The following EIPR1 variants were observed in gnomAD, a reference collection of about 807,000 sequenced individuals.
EIPR1 encodes EARP and GARP complex-interacting protein 1.
EIPR1 carries 25 observed loss-of-function variants against 48.1 expected under a neutral mutation model. The ratio of observed to expected loss-of-function variants is 0.52; its 90% CI spans 0.38 to 0.73. The LOEUF (loss-of-function observed/expected upper bound fraction) is 0.73. Among genes scored for constraint, EIPR1 ranks in the 30% least tolerant of loss-of-function variants. EIPR1 has a pLI of 0.00. For synonymous variants in EIPR1, 204 were observed against 201.9 expected, an observed-to-expected ratio of 1.01 and a Z score of -0.09; for missense variants, 415 against 506.2, an observed-to-expected ratio of 0.82 and a Z score of 1.73.
chr2:3,231,384 TAAAAGTGGCAA>T (rs752709634), intron 4 of EIPR1, among the ~76,000 whole-genome samples: 11 of 152,222 alleles, frequency 7.2e-5, no homozygotes, highest in Non-Finnish European at 1.6e-4. Context: ...TTATGATGGA[TAAAAGTGGCAA>T]GAGTGGGCAT....
At chr2:3,362,267 CA>C (rs905876541) in intron 1 of EIPR1, among the ~76,000 whole-genome samples, 5 of 151,976 alleles carry the variant, frequency 3.3e-5, no homozygotes, top group African/African-American at 1.2e-4. Flanking sequence ...CATTCATACA[CA>C]GGGGGATGTG....
chr2:3,274,083 G>A (rs1173483537), intron 3 of EIPR1, among the ~76,000 whole-genome samples: 1 of 152,144 alleles, frequency 6.6e-6, no homozygotes, highest in East Asian at 1.9e-4. Context: ...TAATCATTTG[G>A]AATAAAGATG....
At chr2:3,267,696 C>T (rs1667532913) in intron 3 of EIPR1, among the ~76,000 whole-genome samples, 1 of 152,262 alleles carries the variant, frequency 6.6e-6, no homozygotes, top group Non-Finnish European at 1.5e-5. Context: ...CATCAAGACT[C>T]AGGCCTGGGG....
chr2:3,336,841 A>G lies in EIPR1; in HGVS notation c.259+1176T>C, dbSNP rs199567471. The stretch of plus-strand genomic sequence containing the variant: ...GAAAAGAAAAGGGAAGGGAAGGGAA[A>G]GGAAGGGAAAAGGGAAGGGAAGGGA... On this transcript the variant is annotated intron_variant, in intron 3 of 8. Coordinates refer to ENST00000382125, the MANE Select transcript of EIPR1 (RefSeq NM_003310.5). 4.8e-5 allele frequency among the ~76,000 whole-genome samples: 5 copies of G among 104,884 alleles called. No homozygotes were observed. The South Asian group carries it at 1.4e-3, about 29-fold the overall frequency. The allele number at this position is 104,884 out of a possible 152,430, so 68.8% of individuals were successfully genotyped here. A position where few individuals can be genotyped will look rare whatever the true frequency, so the allele number is the denominator to read the frequency against.
At chr2:3,270,241 CG>C (rs1667664243) in intron 3 of EIPR1, among the ~76,000 whole-genome samples, 1 of 152,248 alleles carries the variant, frequency 6.6e-6, no homozygotes, top group South Asian at 2.1e-4. Context: ...TGTGCCCACA[CG>C]GGTGCTCGCT....
At chr2:3,369,985 C>G (rs1006691251) in intron 1 of EIPR1, among the ~76,000 whole-genome samples, 7 of 152,156 alleles carry the variant, frequency 4.6e-5, no homozygotes, top group African/African-American at 1.2e-4. Flanking sequence ...GGGAGGCACC[C>G]CCCCCGTAGG....
intron 3 of EIPR1, among the ~76,000 whole-genome samples, chr2:3,272,953 G>A (rs990241391): frequency 2.6e-5 from 4 of 152,172 alleles, no homozygotes; most frequent in African/African-American, 7.2e-5. Context: ...CACCAATGGC[G>A]ACATCACCCA....
chr2:3,228,873 A>C (rs1666151758), intron 4 of EIPR1, among the ~76,000 whole-genome samples: 1 of 152,170 alleles, frequency 6.6e-6, no homozygotes, highest in Non-Finnish European at 1.5e-5. Context: ...CCATGATTGT[A>C]AGTTTCCTGA....
rs554856481 is a variant in EIPR1 at position 3,365,494 on chromosome 2, T to A, written c.43-10861A>T. On this transcript the variant is annotated intron_variant, in intron 1 of 8. Transcript: ENST00000382125. ...CTCAGAAAAAGCTTTTTTTTTTTTTTAATTTATTTTTATTGATCATTCTTG... is the reference window on the plus strand; with the variant it reads ...CTCAGAAAAAGCTTTTTTTTTTTTTAAATTTATTTTTATTGATCATTCTTG... Among the ~76,000 whole-genome samples, 157 of 141,420 alleles carry A rather than the reference T, an allele frequency of 1.1e-3. 5 individuals are homozygous for A. The South Asian group carries it at 0.031, about 28-fold the overall frequency. 92.8% of individuals were successfully genotyped at this position (141,420 alleles called of 152,430 possible).
intron 3 of EIPR1, among the ~76,000 whole-genome samples, chr2:3,325,175 C>T (rs1669656793): frequency 6.6e-6 from 1 of 152,220 alleles, no homozygotes; most frequent in Non-Finnish European, 1.5e-5. Flanking sequence ...TCTGGGCTCC[C>T]TGCAAGGGCC....
intron 4 of EIPR1, among the ~76,000 whole-genome samples, chr2:3,220,812 C>T (rs911959691): frequency 3.3e-5 from 5 of 149,778 alleles, no homozygotes; most frequent in South Asian, 4.3e-4. Flanking sequence ...ACACAATGGC[C>T]GAGGTGCACA....
intron 2 of EIPR1, among the ~76,000 whole-genome samples, chr2:3,351,006 T>TTTTTTC (rs1670559569): frequency 6.7e-6 from 1 of 148,580 alleles, no homozygotes; most frequent in Non-Finnish European, 1.5e-5. Flanking sequence ...TTTGGGCGAT[T>TTTTTTC]TTTTTTTTTT....
intron 1 of EIPR1, among the ~76,000 whole-genome samples, chr2:3,365,448 G>A (rs778404957): frequency 2.0e-5 from 3 of 151,898 alleles, no homozygotes; most frequent in Non-Finnish European, 4.4e-5. Flanking sequence ...CTACAGCCTG[G>A]TCAACAGAGC....
At chr2:3,282,795 G>A (rs1668054915) in intron 3 of EIPR1, 1 of 152,242 alleles carries the variant, frequency 6.6e-6, no homozygotes, top group Non-Finnish European at 1.5e-5. Context: ...CCAGGAACAA[G>A]GAGCAGGTCC....
chr2:3,269,396 GTCATCGCACTCAA>G (rs1558263357), intron 3 of EIPR1, among the ~76,000 whole-genome samples: 2 of 32,346 alleles, frequency 6.2e-5, no homozygotes, highest in African/African-American at 2.8e-4. Context: ...ATCGCACTCA[GTCATCGCACTCAA>G]TCATCGCACT....
intron 3 of EIPR1, among the ~76,000 whole-genome samples, chr2:3,336,977 G>GGGAAGGGAAAGGAAGAA (rs1256613746): frequency 1.0e-5 from 1 of 99,868 alleles, no homozygotes; most frequent in Non-Finnish European, 2.2e-5. Context: ...GAAGGGAAAA[G>GGGAAGGGAAAGGAAGAA]GGAAGGGAAA....
In EIPR1 at chr2:3,220,521, G is replaced by GCA. The variant is rs576182386; in HGVS notation, c.417-6275_417-6274dup. On this transcript the variant is annotated intron_variant, in intron 4 of 8. Coordinates refer to ENST00000382125, the MANE Select transcript of EIPR1 (RefSeq NM_003310.5). Reference sequence around the variant, plus strand: ...TTCTAGAGCATTTATAGAGTCAGGTGCACACACACACAATGACCATGGTAC... The same window carrying GCA: ...TTCTAGAGCATTTATAGAGTCAGGTGCACACACACACACAATGACCATGGTAC... Among the ~76,000 whole-genome samples the GCA allele has an allele frequency of 7.8e-4, 119 of 151,848 alleles. 1 individual carries two copies. The highest frequency in any genetic ancestry group is 2.7e-3 in the African/African-American group (112 of 41,356).
At chr2:3,235,415 C>T (rs1298415016) in intron 4 of EIPR1, among the ~76,000 whole-genome samples, 12 of 145,630 alleles carry the variant, frequency 8.2e-5, no homozygotes, top group East Asian at 6.3e-4. Flanking sequence ...TGTGTGCATG[C>T]GGGTGCGCAC....
chr2:3,280,304 A>G (rs1667975569), intron 3 of EIPR1, among the ~76,000 whole-genome samples: 1 of 152,238 alleles, frequency 6.6e-6, no homozygotes, highest in South Asian at 2.1e-4. Flanking sequence ...AGGAGGCTCC[A>G]CGCTCCCTCA....
Sources: gnomAD v4.1 joint callset for allele counts (sites outside exome capture counted in the v4.1 genomes callset) on GRCh38, gnomAD v4.1.1 for gene constraint, MANE v1.5 for transcripts, NCBI Gene and HGNC (gene_info 2026-07-23, HGNC 2026-07-21) for gene names.